Variants in NRXN3 observed in about 807,000 individuals in gnomAD.
NRXN3 encodes neurexin 3.
A neutral mutation model predicts 137.6 loss-of-function variants in NRXN3; 32 were observed. That is an observed-to-expected ratio of 0.23 (90% CI 0.18 to 0.31). The LOEUF is 0.31. Among genes scored for constraint, NRXN3 ranks in the 10% least tolerant of loss-of-function variants. NRXN3 has a pLI of 1.00. For missense variants in NRXN3, 1,574 were observed against 2,062.5 expected, an observed-to-expected ratio of 0.76 and a Z score of 4.59; for synonymous variants, 798 against 784.5, an observed-to-expected ratio of 1.02 and a Z score of -0.29.
chr14:78,446,100 A>G (rs2094410648), intron 4 of NRXN3, among the ~76,000 whole-genome samples: 1 of 152,168 alleles, frequency 6.6e-6, no homozygotes, highest in Non-Finnish European at 1.5e-5. Flanking sequence ...GCCCATAACC[A>G]TTAATCAGCC....
intron 15 of NRXN3, among the ~76,000 whole-genome samples, chr14:79,219,259 A>C (rs1041880332): frequency 6.6e-6 from 1 of 152,054 alleles, no homozygotes. Context: ...AGGAGCTAAG[A>C]CTATAGGCAT....
intron 8 of NRXN3, among the ~76,000 whole-genome samples, chr14:78,775,813 C>G (rs569236317): frequency 6.6e-6 from 1 of 152,334 alleles, no homozygotes; most frequent in South Asian, 2.1e-4. Flanking sequence ...CAAGATTTCA[C>G]TTTCCTCAGT....
intron 2 of NRXN3, among the ~76,000 whole-genome samples, chr14:78,264,034 G>A (rs964880297): frequency 2.0e-5 from 3 of 151,992 alleles, no homozygotes; most frequent in Non-Finnish European, 4.4e-5. Flanking sequence ...TCTCAGGAAT[G>A]TGTCCAAAAC....
intron 4 of NRXN3, among the ~76,000 whole-genome samples, chr14:78,460,336 C>A (rs1277129714): frequency 3.9e-5 from 6 of 152,212 alleles, no homozygotes; most frequent in Admixed American, 3.9e-4. Flanking sequence ...TCTTTAGCCC[C>A]TCTCTGTTTC....
At chr14:78,834,645 G>A (rs529082675) in intron 10 of NRXN3, among the ~76,000 whole-genome samples, 1 of 152,150 alleles carries the variant, frequency 6.6e-6, no homozygotes, top group South Asian at 2.1e-4. Flanking sequence ...ACAAAGCTTC[G>A]TTTTTGGATA....
At chr14:78,593,866 G>A (rs1046189521) in intron 4 of NRXN3, among the ~76,000 whole-genome samples, 1 of 152,076 alleles carries the variant, frequency 6.6e-6, no homozygotes. Flanking sequence ...CAACCCTCTT[G>A]CTGCCCCCAC....
chr14:78,512,443 A>G (rs1049793789), intron 4 of NRXN3, among the ~76,000 whole-genome samples: 3 of 152,216 alleles, frequency 2.0e-5, no homozygotes, highest in African/African-American at 7.2e-5. Flanking sequence ...CACTAAATTC[A>G]TCACATGGCC....
chr14:78,557,314 A>T (rs2096748257), intron 4 of NRXN3, among the ~76,000 whole-genome samples: 1 of 150,234 alleles, frequency 6.7e-6, no homozygotes, highest in Non-Finnish European at 1.5e-5. Flanking sequence ...TTGGCCTCTC[A>T]AAGTACTGGG....
intron 19 of NRXN3, among the ~76,000 whole-genome samples, chr14:79,750,544 G>A (rs1486942149): frequency 6.6e-6 from 1 of 152,102 alleles, no homozygotes; most frequent in Non-Finnish European, 1.5e-5. Context: ...GAATTCATCT[G>A]TAATCAAATC....
rs187765987 is a variant in NRXN3, at chr14:79,703,591, C to T, written c.4014+5654C>T. Among the ~76,000 whole-genome samples, 118 of 152,204 alleles carry T rather than the reference C, an allele frequency of 7.8e-4. No homozygotes were observed. In the Middle Eastern group the frequency reaches 0.01, roughly 13 times the overall value. ...GCCTGGAGAGGCCTCAGGAAACTTA[C>T]AATCATGATGGCCGGAGAGAGAAAG... is the stretch of plus-strand genomic sequence containing the variant. On this transcript the variant is annotated intron_variant, in intron 19 of 20. Coordinates refer to ENST00000335750, the MANE Select transcript of NRXN3 (RefSeq NM_001330195.2).
intron 20 of NRXN3, among the ~76,000 whole-genome samples, chr14:79,825,730 A>G (rs995565208): frequency 1.3e-5 from 2 of 152,136 alleles, no homozygotes; most frequent in Non-Finnish European, 2.9e-5. Flanking sequence ...TTTTCTTTCC[A>G]TCCTGCTGGT....
At chr14:78,881,659 G>A (rs548419038) in intron 10 of NRXN3, among the ~76,000 whole-genome samples, 1 of 151,578 alleles carries the variant, frequency 6.6e-6, no homozygotes, top group Non-Finnish European at 1.5e-5. Context: ...GCTGTAAAAA[G>A]CATTCAATTT....
chr14:79,316,742 C>G (rs1162789510), intron 15 of NRXN3, among the ~76,000 whole-genome samples: 1 of 151,698 alleles, frequency 6.6e-6, no homozygotes, highest in East Asian at 1.9e-4. Flanking sequence ...CTCTCTCTCT[C>G]TCTCTCTCTC....
intron 11 of NRXN3, among the ~76,000 whole-genome samples, chr14:78,960,170 C>T (rs1369225850): frequency 6.6e-6 from 1 of 152,052 alleles, no homozygotes; most frequent in Non-Finnish European, 1.5e-5. Flanking sequence ...ACGTGTCCCC[C>T]CAACCCCCCG....
At chr14:78,579,080 A>G (rs553495842) in intron 4 of NRXN3, among the ~76,000 whole-genome samples, 11 of 152,114 alleles carry the variant, frequency 7.2e-5, no homozygotes, top group Non-Finnish European at 1.3e-4. Flanking sequence ...GCCTGGCTGG[A>G]CTCTAGGGAC....
rs1166609469 is a variant in NRXN3, at chr14:78,952,946, C to T, written c.2276-4296C>T. Among the ~76,000 whole-genome samples, 2 of 152,162 alleles carry T rather than the reference C, an allele frequency of 1.3e-5. 1 individual carries two copies. The highest frequency in any genetic ancestry group is 3.8e-4 in the East Asian group (2 of 5,200). On this transcript the variant is annotated intron_variant, in intron 10 of 20. Transcript: ENST00000335750. The stretch of plus-strand genomic sequence containing the variant: ...TGGCATATGGAAGGAATTTCTACCC[C>T]CTGCGTATGAGCAAACCCATCTGGT...
intron 3 of NRXN3, among the ~76,000 whole-genome samples, chr14:78,288,610 A>G (rs1035140509): frequency 5.3e-5 from 8 of 152,192 alleles, no homozygotes; most frequent in African/African-American, 1.9e-4. Context: ...TCATTCATCA[A>G]TGAAGAACTA....
chr14:78,357,696 T>C (rs2084523774), intron 4 of NRXN3, among the ~76,000 whole-genome samples: 1 of 152,178 alleles, frequency 6.6e-6, no homozygotes, highest in African/African-American at 2.4e-5. Flanking sequence ...AGCTAGGTGA[T>C]TTTAATCATT....
At chr14:78,797,755 C>G (rs1170088603) in intron 8 of NRXN3, among the ~76,000 whole-genome samples, 1 of 152,118 alleles carries the variant, frequency 6.6e-6, no homozygotes, top group Non-Finnish European at 1.5e-5. Context: ...AATGGACTCA[C>G]AATTCCATGT....
Sources: gnomAD v4.1 joint callset for allele counts (sites outside exome capture counted in the v4.1 genomes callset) on GRCh38, gnomAD v4.1.1 for gene constraint, MANE v1.5 for transcripts, NCBI Gene and HGNC (gene_info 2026-07-23, HGNC 2026-07-21) for gene names.